Variants in VAV3 observed in about 807,000 individuals in gnomAD.
VAV3 encodes vav guanine nucleotide exchange factor 3, also known as guanine nucleotide exchange factor VAV3.
VAV3 carries 94 observed loss-of-function variants against 131.2 expected under a neutral mutation model. The ratio of observed to expected loss-of-function variants is 0.72; its 90% CI spans 0.61 to 0.85. The LOEUF is 0.85. Among genes scored for constraint, VAV3 ranks in the 40% least tolerant of loss-of-function variants. VAV3 has a pLI of 0.00. For synonymous variants in VAV3, 349 were observed against 342.0 expected, an observed-to-expected ratio of 1.02 and a Z score of -0.22; for missense variants, 939 against 1,002.7, an observed-to-expected ratio of 0.94 and a Z score of 0.86.
chr1:107,795,138 G>A (rs920744858), intron 2 of VAV3, among the ~76,000 whole-genome samples: 13 of 152,206 alleles, frequency 8.5e-5, no homozygotes, highest in African/African-American at 2.4e-4. Flanking sequence ...ACTCTTGCCA[G>A]CCACTCTGAA....
In VAV3 at chr1:107,924,617, A is replaced by C. The variant is rs1673064183; in HGVS notation, c.204+40049T>G. ...AATACAATACACACTAAGAAAATTT[A>C]AGAAACTGTAAATGCATTGCATACA... On this transcript the variant is annotated intron_variant, in intron 1 of 26. Coordinates refer to ENST00000370056, the MANE Select transcript of VAV3 (RefSeq NM_006113.5). 2.6e-5 allele frequency among the ~76,000 whole-genome samples: 4 copies of C among 152,226 alleles called. No individual in the cohort carries two copies. The South Asian group carries it at 8.3e-4, about 31-fold the overall frequency.
intron 2 of VAV3, among the ~76,000 whole-genome samples, chr1:107,867,620 C>G (rs1021019198): frequency 2.0e-5 from 3 of 152,188 alleles, no homozygotes; most frequent in African/African-American, 7.2e-5. Flanking sequence ...GGAGGAATCA[C>G]TGCAGAGCTC....
chr1:107,940,350 C>T (rs1315900484), intron 1 of VAV3, among the ~76,000 whole-genome samples: 1 of 151,590 alleles, frequency 6.6e-6, no homozygotes, highest in Admixed American at 6.6e-5. Flanking sequence ...AGCTAATCCT[C>T]AGGCCATGAA....
At position 107,949,930 on chromosome 1, in the gene VAV3, A is replaced by G. The variant is rs112909720; in HGVS notation, c.204+14736T>C. 2.3e-3 allele frequency among the ~76,000 whole-genome samples: 352 copies of G among 152,338 alleles called. 1 individual carries two copies. The highest frequency in any genetic ancestry group is 8.1e-3 in the African/African-American group (336 of 41,568). ...CAACTTTTTCTATCAGGTATTGCCT[A>G]TATGATTAAAAGAAAGTTGTACTAC... is the stretch of plus-strand genomic sequence containing the variant. On this transcript the variant is annotated intron_variant, in intron 1 of 26. Transcript: ENST00000370056.
chr1:107,624,375 TGTGTG>T (rs1653844553), intron 20 of VAV3, among the ~76,000 whole-genome samples: 3 of 1,674 alleles, frequency 1.8e-3, no homozygotes, highest in African/African-American at 2.4e-3. Context: ...GTCTTATGAC[TGTGTG>T]TGTGTGTGTG....
chr1:107,908,904 T>C (rs1411030137), intron 1 of VAV3, among the ~76,000 whole-genome samples: 1 of 149,714 alleles, frequency 6.7e-6, no homozygotes, highest in Non-Finnish European at 1.5e-5. Context: ...AAGCATTCAG[T>C]ATAGGGAGAA....
intron 1 of VAV3, among the ~76,000 whole-genome samples, chr1:107,901,797 C>T (rs1193304373): frequency 6.6e-6 from 1 of 152,106 alleles, no homozygotes; most frequent in African/African-American, 2.4e-5. Context: ...AATCCCAGCA[C>T]TTTGGGAGGC....
At chr1:107,930,872 G>A (rs1031749344) in intron 1 of VAV3, among the ~76,000 whole-genome samples, 4 of 152,106 alleles carry the variant, frequency 2.6e-5, no homozygotes, top group Non-Finnish European at 4.4e-5. Context: ...GCAAAAATAG[G>A]TGAATATTAA....
chr1:107,627,753 G>GA (rs1255839976), intron 20 of VAV3, among the ~76,000 whole-genome samples: 9 of 151,982 alleles, frequency 5.9e-5, no homozygotes, highest in African/African-American at 1.9e-4. Context: ...TATTCTGAGA[G>GA]AAAAAAGGCA....
At chr1:107,580,633 C>A (rs1363478168) in intron 25 of VAV3, among the ~76,000 whole-genome samples, 1 of 152,088 alleles carries the variant, frequency 6.6e-6, no homozygotes, top group Non-Finnish European at 1.5e-5. Flanking sequence ...TGCCACTCTT[C>A]CTATATATCA....
At chr1:107,621,188 T>C (rs1653575229) in intron 20 of VAV3, among the ~76,000 whole-genome samples, 1 of 152,074 alleles carries the variant, frequency 6.6e-6, no homozygotes, top group Non-Finnish European at 1.5e-5. Flanking sequence ...TGAATTGTTT[T>C]TTCCTTAATA....
intron 2 of VAV3, among the ~76,000 whole-genome samples, chr1:107,826,351 T>A (rs568863094): frequency 6.6e-6 from 1 of 152,320 alleles, no homozygotes; most frequent in East Asian, 1.9e-4. Flanking sequence ...AACTCACATT[T>A]CTAAGGTTGA....
At chr1:107,726,810 T>C (rs958677003) in intron 15 of VAV3, among the ~76,000 whole-genome samples, 13 of 152,234 alleles carry the variant, frequency 8.5e-5, no homozygotes, top group Non-Finnish European at 1.8e-4. Context: ...AGCCTGCTAA[T>C]TGAATTTTAC....
At chr1:107,579,586 T>C (rs1037388783) in intron 25 of VAV3, among the ~76,000 whole-genome samples, 3 of 152,218 alleles carry the variant, frequency 2.0e-5, no homozygotes, top group Non-Finnish European at 4.4e-5. Flanking sequence ...CCATCCCAAT[T>C]CAGGTATCTA....
chr1:107,908,021 G>A (rs1672186196), intron 1 of VAV3, among the ~76,000 whole-genome samples: 1 of 152,194 alleles, frequency 6.6e-6, no homozygotes, highest in Admixed American at 6.5e-5. Flanking sequence ...GTTGAGGAAT[G>A]AATTCGGAAG....
chr1:107,576,007 G>A (rs945442214), intron 25 of VAV3, among the ~76,000 whole-genome samples: 1 of 151,996 alleles, frequency 6.6e-6, no homozygotes, highest in East Asian at 1.9e-4. Flanking sequence ...AACAAAGTTG[G>A]GATTTTATTT....
intron 25 of VAV3, among the ~76,000 whole-genome samples, chr1:107,593,519 T>C (rs1273120435): frequency 6.6e-6 from 1 of 152,112 alleles, no homozygotes; most frequent in Non-Finnish European, 1.5e-5. Flanking sequence ...GGAGATGCCA[T>C]TTCTGTCCAA....
intron 19 of VAV3, among the ~76,000 whole-genome samples, 168 bp downstream of exon 19, chr1:107,683,320 C>T (rs991635648): frequency 1.3e-5 from 2 of 152,168 alleles, no homozygotes; most frequent in African/African-American, 4.8e-5. Flanking sequence ...GGTAGTTACT[C>T]ATGTGAATGA....
chr1:107,806,961 C>T (rs1057020943), intron 2 of VAV3, among the ~76,000 whole-genome samples: 10 of 152,094 alleles, frequency 6.6e-5, no homozygotes, highest in African/African-American at 2.4e-4. Flanking sequence ...AATGTAAATA[C>T]TATGTAAATA....
Sources: allele counts gnomAD v4.1 joint callset (sites outside exome capture counted in the v4.1 genomes callset), GRCh38; gene constraint gnomAD v4.1.1; transcripts MANE v1.5; gene names NCBI Gene and HGNC (gene_info 2026-07-23, HGNC 2026-07-21).